The following ZNF75D variants were observed in gnomAD, a reference collection of about 807,000 sequenced individuals.
ZNF75D encodes the protein zinc finger protein 75.
ZNF75D carries 33 observed loss-of-function variants against 33.3 expected under a neutral mutation model. That is an observed-to-expected ratio of 0.99 (90% CI 0.75 to 1.32). The LOEUF is 1.32. Ranked by LOEUF, ZNF75D falls within the 40% of genes most tolerant of loss-of-function variation. The pLI is 0.00. For missense variants in ZNF75D, 338 were observed against 367.5 expected (o/e 0.92, Z 0.66); for synonymous variants, 113 against 130.6 (o/e 0.87, Z 0.92).
At position 135,287,142 on chromosome X, in the gene ZNF75D, T is replaced by G; in HGVS notation, c.1528A>C (p.Asn510His). The G allele has an allele frequency of 1.7e-6, 2 of 1,198,388 alleles. No homozygotes were observed. Among genetic ancestry groups the G allele is most frequent in the Non-Finnish European group, 2.2e-6 (2 of 890,912 alleles). ...GCTCTACATGGTAACTTTCCTCAGT[T>G]TGGAGACACTAGACATGCTTCCCTT... ...RRREACLVSPN is the reference protein window; with the variant it reads ...RRREACLVSPH The change falls in exon 7 of 7, where the codon AAC becomes CAC. Residue 510 changes from asparagine to histidine, a missense_variant. Physicochemically the swap from Asn to His is moderately conservative, Grantham distance 68 (BLOSUM62 1). This residue lies in a region of ZNF75D where 79 missense variants were observed against 80.1 expected (regional missense o/e 0.99). Coordinates refer to ENST00000370766, the MANE Select transcript of ZNF75D (RefSeq NM_007131.5).
At chrX:135,270,542 G>A (rs1288877570) in intron 1 of ZNF75D, among the ~76,000 whole-genome samples, 5 of 109,057 alleles carry the variant, frequency 4.6e-5, no homozygotes, top group Admixed American at 9.9e-5. Context: ...ATGTGTACCC[G>A]GTGAAATAAC....
intron 1 of ZNF75D, among the ~76,000 whole-genome samples, chrX:135,278,089 C>A (rs1236412220): frequency 9.0e-6 from 1 of 111,692 alleles, no homozygotes; most frequent in Non-Finnish European, 1.9e-5. Flanking sequence ...GCAGTATGGC[C>A]ATTTTCACAA....
chrX:135,249,144 G>A (rs2083771258), exon 4 of ZNF75D: 1 of 324,813 alleles, frequency 3.1e-6, no homozygotes, highest in Non-Finnish European at 6.0e-6. Context: ...TGAGTAAAAC[G>A]CTCAGCACCG....
chrX:135,321,197 A>G (rs2148488048), intron 1 of ZNF75D, among the ~76,000 whole-genome samples: 1 of 110,977 alleles, frequency 9.0e-6, no homozygotes, highest in South Asian at 3.8e-4. Context: ...AGCCCTTTTA[A>G]TAACAGCATT....
intron 1 of ZNF75D, chrX:135,298,173 G>C (rs1313417099): frequency 1.8e-5 from 2 of 111,137 alleles, no homozygotes; most frequent in African/African-American, 6.6e-5. Flanking sequence ...GAGGAAAAAT[G>C]TAGATCAATT....
At chrX:135,294,578 T>C (rs1177877210) in intron 2 of ZNF75D, among the ~76,000 whole-genome samples, 1 of 111,216 alleles carries the variant, frequency 9.0e-6, no homozygotes, top group Admixed American at 9.5e-5. Flanking sequence ...AAAAGGAGCT[T>C]TGAGATTATC....
intron 1 of ZNF75D, among the ~76,000 whole-genome samples, chrX:135,326,483 A>G (rs2084578451): frequency 8.9e-6 from 1 of 112,004 alleles, no homozygotes; most frequent in Admixed American, 9.4e-5. Flanking sequence ...CCCTGTCAAA[A>G]CAGACCACTC....
At chrX:135,302,347 T>C (rs782067096) in intron 1 of ZNF75D, among the ~76,000 whole-genome samples, 2 of 112,191 alleles carry the variant, frequency 1.8e-5, no homozygotes, top group Non-Finnish European at 3.8e-5. Context: ...TTGAAATCCA[T>C]CTCTTGTCCA....
chrX:135,279,740 A>G (rs2083913209), intron 1 of ZNF75D, among the ~76,000 whole-genome samples: 1 of 111,602 alleles, frequency 9.0e-6, no homozygotes, highest in Admixed American at 9.5e-5. Flanking sequence ...TAATTTTGTT[A>G]TTTACTCACT....
intron 6 of ZNF75D, among the ~76,000 whole-genome samples, chrX:135,289,387 CA>C (rs1556420577): frequency 1.8e-5 from 2 of 112,057 alleles, no homozygotes; most frequent in African/African-American, 6.5e-5. Flanking sequence ...GAGGCCAAGG[CA>C]GGGGATCACT....
chrX:135,291,765 T>A (rs1556421334), intron 4 of ZNF75D: 5 of 153,883 alleles, frequency 3.2e-5, no homozygotes, highest in Non-Finnish European at 5.5e-5. Context: ...CCCCAGTTCA[T>A]GAACTCTTTA....
chrX:135,289,795 A>T (rs1432936289), intron 6 of ZNF75D, among the ~76,000 whole-genome samples: 2 of 112,017 alleles, frequency 1.8e-5, no homozygotes, highest in Non-Finnish European at 3.8e-5. Context: ...ATTTTCAGTC[A>T]TGGAACAATA....
At chrX:135,270,597 C>G (rs1380853795) in intron 1 of ZNF75D, among the ~76,000 whole-genome samples, 1 of 109,264 alleles carries the variant, frequency 9.2e-6, no homozygotes, top group Non-Finnish European at 1.9e-5. Context: ...GAAGTGATAC[C>G]ATTATGGAAT....
At chrX:135,249,148 A>G in exon 4 of ZNF75D, 2 of 325,090 alleles carry the variant, frequency 6.2e-6, no homozygotes, top group Non-Finnish European at 1.2e-5. Context: ...TAAAACGCTC[A>G]GCACCGATTT....
intron 1 of ZNF75D, among the ~76,000 whole-genome samples, chrX:135,256,267 T>C (rs2083798964): frequency 2.3e-5 from 2 of 86,894 alleles, no homozygotes; most frequent in African/African-American, 8.6e-5. Flanking sequence ...GAACCACCAA[T>C]GCTACCCCTC....
At chrX:135,325,801 G>A (rs1167637859) in intron 1 of ZNF75D, among the ~76,000 whole-genome samples, 2 of 112,447 alleles carry the variant, frequency 1.8e-5, no homozygotes, top group East Asian at 2.8e-4. Context: ...GCTCCACGGC[G>A]CCCAGTCCCA....
At chrX:135,314,182 G>T (rs2084392511) in intron 1 of ZNF75D, among the ~76,000 whole-genome samples, 1 of 111,849 alleles carries the variant, frequency 8.9e-6, no homozygotes, top group Non-Finnish European at 1.9e-5. Context: ...ACAGTTTGTT[G>T]TGAGTTTTTA....
intron 1 of ZNF75D, among the ~76,000 whole-genome samples, chrX:135,302,014 C>T (rs1439760904): frequency 2.7e-5 from 3 of 112,278 alleles, no homozygotes; most frequent in Non-Finnish European, 3.8e-5. Flanking sequence ...TCCAACACCA[C>T]GTGGAAGCTG....
intron 1 of ZNF75D, among the ~76,000 whole-genome samples, chrX:135,329,501 C>A (rs781963619): frequency 8.9e-6 from 1 of 112,125 alleles, no homozygotes; most frequent in African/African-American, 3.2e-5. Flanking sequence ...TGTTCTCAAA[C>A]GCCTGAGCCC....
Sources: allele counts gnomAD v4.1 joint callset (sites outside exome capture counted in the v4.1 genomes callset), GRCh38; gene constraint gnomAD v4.1.1; regional missense constraint gnomAD v4.1.1; transcripts MANE v1.5; gene names NCBI Gene and HGNC (gene_info 2026-07-23, HGNC 2026-07-21).